PARD3: variants seen among roughly 807,000 people sequenced by gnomAD.
PARD3 encodes the protein par-3 family cell polarity regulator, also known as partitioning defective 3 homolog.
A neutral mutation model predicts 155.4 loss-of-function variants in PARD3; 75 were observed. That is an observed-to-expected ratio of 0.48 (90% CI 0.40 to 0.58). The LOEUF is 0.58. Ranked by LOEUF, PARD3 falls within the 20% of genes least tolerant of loss-of-function variation. The pLI is 0.00. For synonymous variants in PARD3, 576 were observed against 610.5 expected (o/e 0.94, Z 0.83); for missense variants, 1,642 against 1,721.7 (o/e 0.95, Z 0.82).
At position 34,111,277 on chromosome 10, in the gene PARD3, G is replaced by A. The variant is rs111871930; in HGVS notation, c.3954C>T (p.Tyr1318=). Residue 1318 remains tyrosine (Y), a synonymous_variant, in exon 25 of 25, where the codon TAC becomes TAT. Coordinates refer to ENST00000374788, the MANE Select transcript of PARD3 (RefSeq NM_001184785.2). ...DSYKKVQDPS[Y]APPKGPFRQD... ...GCCGGAAGGGCCCCTTGGGAGGGGCGTAACTGGGGTCCTGGACTTTCTTAT... is the reference window on the plus strand; with the variant it reads ...GCCGGAAGGGCCCCTTGGGAGGGGCATAACTGGGGTCCTGGACTTTCTTAT... The A allele has an allele frequency of 3.2e-5, 51 of 1,613,886 alleles. No individual in the cohort carries two copies. Among genetic ancestry groups the A allele is most frequent in the Non-Finnish European group, 3.9e-5 (46 of 1,179,790 alleles).
chr10:34,206,113 C>T (rs1261695651), intron 22 of PARD3, among the ~76,000 whole-genome samples: 3 of 152,172 alleles, frequency 2.0e-5, no homozygotes, highest in African/African-American at 7.2e-5. Context: ...CATAATTTGA[C>T]CACCTCTTCA....
chr10:34,768,823 C>T (rs1249028138), intron 1 of PARD3, among the ~76,000 whole-genome samples: 1 of 152,218 alleles, frequency 6.6e-6, no homozygotes. Flanking sequence ...GCACACATGC[C>T]ACTCCCTGCT....
intron 1 of PARD3, among the ~76,000 whole-genome samples, chr10:34,725,058 A>G (rs2094677327): frequency 1.3e-5 from 2 of 151,930 alleles, no homozygotes; most frequent in Non-Finnish European, 2.9e-5. Context: ...GAGTAACAAG[A>G]GTCCCTTACT....
At chr10:34,509,643 T>A (rs534963997) in intron 3 of PARD3, among the ~76,000 whole-genome samples, 13 of 152,254 alleles carry the variant, frequency 8.5e-5, no homozygotes, top group African/African-American at 2.6e-4. Flanking sequence ...TTAAATAAAA[T>A]ATAATTTTAT....
At chr10:34,592,769 T>C (rs112017781) in intron 2 of PARD3, among the ~76,000 whole-genome samples, 2,258 of 152,256 alleles carry the variant, frequency 0.015, 55 homozygotes, top group African/African-American at 0.051. Flanking sequence ...AGCAATACTC[T>C]GTCTCAAAAA....
chr10:34,504,050 A>G (rs1213031809), intron 3 of PARD3, among the ~76,000 whole-genome samples: 1 of 152,184 alleles, frequency 6.6e-6, no homozygotes, highest in East Asian at 1.9e-4. Flanking sequence ...GGAAAGTGCT[A>G]TCATCAACCC....
chr10:34,776,508 T>C (rs1420574880), intron 1 of PARD3, among the ~76,000 whole-genome samples: 1 of 151,458 alleles, frequency 6.6e-6, no homozygotes, highest in Non-Finnish European at 1.5e-5. Context: ...CACAGGGAAC[T>C]TTGTCAGAAG....
intron 3 of PARD3, among the ~76,000 whole-genome samples, chr10:34,516,110 AAC>A (rs755375164): frequency 1.3e-5 from 2 of 152,006 alleles, no homozygotes; most frequent in Admixed American, 6.6e-5. Context: ...GATTACAGGC[AAC>A]CGCCACCACG....
At chr10:34,469,008 T>C (rs2078180887) in intron 4 of PARD3, among the ~76,000 whole-genome samples, 1 of 152,208 alleles carries the variant, frequency 6.6e-6, no homozygotes, top group African/African-American at 2.4e-5. Context: ...ATTGAGCATC[T>C]ACAGATTCAA....
In PARD3 at chr10:34,814,922, C is replaced by T; in HGVS notation, c.74G>A (p.Ser25Asn). The stretch of plus-strand genomic sequence containing the variant: ...GCGGGTCACCGCCTGCTGGATGAGG[C>T]TGAAAACTTTCATGTGGCCGTCCCC... ...PCGDGHMKVFSLIQQAVTRYR... is the reference protein window; with the variant it reads ...PCGDGHMKVFNLIQQAVTRYR... Residue 25 changes from serine to asparagine, a missense_variant, in exon 1 of 25, where the codon AGC (serine) becomes AAC (asparagine). Around this residue, in one of 3 missense-constraint regions of PARD3, gnomAD observed 75 missense variants for 65.3 expected, o/e 1.15. Transcript: ENST00000374788. 6.4e-7 allele frequency: 1 copy of T among 1,565,418 alleles called. No homozygotes were observed. The highest frequency in any genetic ancestry group is 8.6e-7 in the Non-Finnish European group (1 of 1,157,752).
chr10:34,332,119 T>G (rs1835683865), intron 18 of PARD3, among the ~76,000 whole-genome samples: 1 of 152,146 alleles, frequency 6.6e-6, no homozygotes, highest in Non-Finnish European at 1.5e-5. Flanking sequence ...GACTTAGCAA[T>G]TAACCAGAAC....
chr10:34,649,162 T>G (rs550039362), intron 2 of PARD3, among the ~76,000 whole-genome samples: 1 of 152,152 alleles, frequency 6.6e-6, no homozygotes, highest in Non-Finnish European at 1.5e-5. Flanking sequence ...GAGAGACGCA[T>G]GGCTTGGGCA....
intron 1 of PARD3, among the ~76,000 whole-genome samples, chr10:34,801,166 AC>A (rs1842810563): frequency 6.6e-6 from 1 of 152,258 alleles, no homozygotes; most frequent in Non-Finnish European, 1.5e-5. Context: ...GCACAAAAAT[AC>A]ATTCCTATCT....
At chr10:34,381,089 C>A (rs1250752182) in intron 9 of PARD3, among the ~76,000 whole-genome samples, 2 of 152,030 alleles carry the variant, frequency 1.3e-5, no homozygotes, top group South Asian at 2.1e-4. Context: ...AAACCAGTAA[C>A]CAGAAATAAG....
chr10:34,432,220 T>C (rs900658827), intron 5 of PARD3, among the ~76,000 whole-genome samples: 9 of 151,626 alleles, frequency 5.9e-5, no homozygotes, highest in Non-Finnish European at 1.0e-4. Context: ...AAACGCAGAA[T>C]TGATTTTAAA....
chr10:34,736,820 G>A (rs1036822608), intron 1 of PARD3, among the ~76,000 whole-genome samples: 1 of 152,044 alleles, frequency 6.6e-6, no homozygotes, highest in Non-Finnish European at 1.5e-5. Context: ...GGGATTACAG[G>A]CATGCGCCAC....
At chr10:34,500,746 A>C (rs112015122) in intron 3 of PARD3, among the ~76,000 whole-genome samples, 1 of 150,506 alleles carries the variant, frequency 6.6e-6, no homozygotes, top group Middle Eastern at 3.2e-3. Context: ...AGTTACATAA[A>C]ATAACATAAA....
At chr10:34,526,830 C>CGT (rs1176681287) in intron 2 of PARD3, among the ~76,000 whole-genome samples, 3 of 152,170 alleles carry the variant, frequency 2.0e-5, no homozygotes, top group African/African-American at 7.2e-5. Context: ...TATCCAGTGT[C>CGT]GTCAGAAACA....
At chr10:34,767,092 G>A (rs1838196917) in intron 1 of PARD3, among the ~76,000 whole-genome samples, 1 of 152,144 alleles carries the variant, frequency 6.6e-6, no homozygotes, top group South Asian at 2.1e-4. Context: ...TGGAGACAGA[G>A]GCTACAGAAA....
Sources: gnomAD v4.1 joint callset for allele counts (sites outside exome capture counted in the v4.1 genomes callset) on GRCh38, gnomAD v4.1.1 for gene constraint, gnomAD v4.1.1 regional missense constraint, MANE v1.5 for transcripts, NCBI Gene and HGNC (gene_info 2026-07-23, HGNC 2026-07-21) for gene names.